Variants in ZHX3 observed in about 807,000 individuals in gnomAD.
ZHX3 encodes zinc fingers and homeoboxes 3.
Under a neutral mutation model 64.5 loss-of-function variants are expected in ZHX3, and 20 were observed. The ratio of observed to expected loss-of-function variants is 0.31; its 90% CI spans 0.22 to 0.45. The LOEUF (loss-of-function observed/expected upper bound fraction) is 0.45, where lower values mean the gene tolerates loss of function less well. Among genes scored for constraint, ZHX3 ranks in the 20% least tolerant of loss-of-function variants. ZHX3 has a pLI of 1.00. For synonymous variants in ZHX3, 423 were observed against 461.6 expected (o/e 0.92, Z 1.07); for missense variants, 1,041 against 1,195.8 (o/e 0.87, Z 1.91).
intron 3 of ZHX3, among the ~76,000 whole-genome samples, chr20:41,191,046 C>T (rs2036974755): frequency 6.6e-6 from 1 of 152,166 alleles, no homozygotes; most frequent in African/African-American, 2.4e-5. Flanking sequence ...GCTATCAGGG[C>T]CTCCTATATC....
chr20:41,290,472 C>G (rs1426828838), intron 1 of ZHX3: 1 of 152,254 alleles, frequency 6.6e-6, no homozygotes, highest in Non-Finnish European at 1.5e-5. Context: ...AGTGTGGACA[C>G]CCGACTGGCA....
chr20:41,265,333 G>C (rs1376299506), intron 2 of ZHX3, among the ~76,000 whole-genome samples: 1 of 151,728 alleles, frequency 6.6e-6, no homozygotes, highest in Non-Finnish European at 1.5e-5. Context: ...CTCCCGAACA[G>C]CTGGGATTAC....
intron 2 of ZHX3, among the ~76,000 whole-genome samples, chr20:41,262,890 A>G (rs997219367): frequency 6.6e-6 from 1 of 152,248 alleles, no homozygotes; most frequent in East Asian, 1.9e-4. Context: ...GGGGCAAATT[A>G]AATTTCCTTA....
chr20:41,258,619 T>A (rs1384316755), intron 2 of ZHX3, among the ~76,000 whole-genome samples: 1 of 152,210 alleles, frequency 6.6e-6, no homozygotes, highest in Non-Finnish European at 1.5e-5. Flanking sequence ...TCTGAGGTTA[T>A]GCATTCTTGG....
rs1395240084 is a variant in ZHX3 at position 41,204,115 on chromosome 20, T to C, written c.802A>G (p.Ile268Val). Reference sequence around the variant, plus strand: ...TGCTGGAGGGAGAGGAACTGTGCTATGCCAGCTGGCAAAACTGGCACTGTT... The same window carrying C: ...TGCTGGAGGGAGAGGAACTGTGCTACGCCAGCTGGCAAAACTGGCACTGTT... ...IGTVPVLPAGIAQFLSLQQQP... is the reference protein window; with the variant it reads ...IGTVPVLPAGVAQFLSLQQQP... Residue 268 changes from isoleucine to valine, a missense_variant, in exon 3 of 4, where the codon ATA (isoleucine) becomes GTA (valine). Transcript: ENST00000683867. This position sits in a 1 kb window ranked among gnomAD's most constrained non-coding sequence, Gnocchi z 6.6. 6.2e-7 allele frequency: 1 copy of C among 1,605,960 alleles called. No homozygotes were observed. Among genetic ancestry groups the C allele is most frequent in the Non-Finnish European group, 8.5e-7 (1 of 1,175,756 alleles).
At chr20:41,211,081 T>C (rs1019075207) in intron 2 of ZHX3, among the ~76,000 whole-genome samples, 1 of 152,076 alleles carries the variant, frequency 6.6e-6, no homozygotes, top group African/African-American at 2.4e-5. Flanking sequence ...ACAAAACCAA[T>C]GGTTTTATAT....
intron 1 of ZHX3, among the ~76,000 whole-genome samples, chr20:41,299,034 C>G (rs1364004247): frequency 6.6e-6 from 1 of 152,160 alleles, no homozygotes; most frequent in Admixed American, 6.5e-5. Flanking sequence ...CACTTCCTAC[C>G]TGAAAGTCTG....
At chr20:41,207,307 A>G (rs2038797300) in intron 2 of ZHX3, among the ~76,000 whole-genome samples, 1 of 152,082 alleles carries the variant, frequency 6.6e-6, no homozygotes, top group South Asian at 2.1e-4. Context: ...AACAATATTA[A>G]CCTTAAATGT....
At chr20:41,254,404 A>T (rs999140750) in intron 2 of ZHX3, among the ~76,000 whole-genome samples, 4 of 152,184 alleles carry the variant, frequency 2.6e-5, no homozygotes, top group Non-Finnish European at 5.9e-5. Flanking sequence ...GATAATAAAC[A>T]TGTAGCACTT....
chr20:41,197,039 A>T (rs1004002263), intron 3 of ZHX3: 1 of 209,124 alleles, frequency 4.8e-6, no homozygotes, highest in Non-Finnish European at 1.0e-5. Context: ...AAGCAGCTCT[A>T]TGACACTGAT....
At chr20:41,269,797 T>C (rs755317666) in intron 1 of ZHX3, among the ~76,000 whole-genome samples, 3 of 151,920 alleles carry the variant, frequency 2.0e-5, no homozygotes, top group Non-Finnish European at 2.9e-5. Context: ...AACAGACGTG[T>C]AGGCATTGTA....
chr20:41,310,680 GT>G (rs138691524), intron 1 of ZHX3, among the ~76,000 whole-genome samples: 21,139 of 145,168 alleles, frequency 0.15, 1,643 homozygotes, highest in Non-Finnish European at 0.18. Flanking sequence ...TGGGGAAGAG[GT>G]TTTTTTTTTT....
intron 3 of ZHX3, among the ~76,000 whole-genome samples, chr20:41,196,074 G>A (rs190790046): frequency 2.2e-4 from 34 of 151,180 alleles, no homozygotes; most frequent in African/African-American, 8.0e-4. Flanking sequence ...GTTGTTGGGT[G>A]GTATTCTGCT....
rs1476882053 is a variant in ZHX3, at chr20:41,180,057, C to G, written c.*5134G>C. 6.5e-6 allele frequency: 1 copy of G among 152,674 alleles called. No homozygotes were observed. The highest frequency in any genetic ancestry group is 1.5e-5 in the Non-Finnish European group (1 of 68,060). The allele number at this position is 152,674 out of a possible 1,614,324, so 9.5% of individuals were successfully genotyped here. On this transcript the variant is annotated 3_prime_UTR_variant, in exon 4 of 4. Transcript: ENST00000683867. ...GTGTGTGCACGCGCACATGAACACA[C>G]GTTTCAAGCCAGTCTCCTGAAGGAA...
chr20:41,247,457 G>A (rs951630152), intron 2 of ZHX3, among the ~76,000 whole-genome samples: 1 of 152,074 alleles, frequency 6.6e-6, no homozygotes, highest in South Asian at 2.1e-4. Flanking sequence ...TTTGCACAAT[G>A]GAAATCATCT....
At chr20:41,229,100 A>G (rs2040444072) in intron 2 of ZHX3, among the ~76,000 whole-genome samples, 1 of 152,082 alleles carries the variant, frequency 6.6e-6, no homozygotes, top group Non-Finnish European at 1.5e-5. Context: ...CCTGACAACT[A>G]CCATTCTGCT....
intron 1 of ZHX3, among the ~76,000 whole-genome samples, chr20:41,311,099 T>C (rs1008222883): frequency 2.0e-5 from 3 of 152,164 alleles, no homozygotes; most frequent in African/African-American, 7.2e-5. Context: ...TGAGCCACCG[T>C]GCCCGGCCAA....
chr20:41,300,704 G>A (rs1186628420), intron 1 of ZHX3, among the ~76,000 whole-genome samples: 1 of 152,222 alleles, frequency 6.6e-6, no homozygotes, highest in Non-Finnish European at 1.5e-5. Context: ...GGCAAGTAGT[G>A]TTGGCCTAAT....
rs774299186 is a variant in ZHX3 at position 41,204,594 on chromosome 20, G to A, written c.323C>T (p.Thr108Ile). ...SEHTDFNKDP[T>I]FVCSGCSFLA... ...AAAACTGCACCCACTGCATACAAAG[G>A]TTGGGTCTTTATTAAAGTCTGTGTG... Residue 108 changes from threonine (T) to isoleucine (I), a missense_variant, in exon 3 of 4, where the codon ACC (threonine) becomes ATC (isoleucine). Thr to Ile is a moderately conservative substitution (Grantham distance 89). This residue lies in a region of ZHX3 where 358 missense variants were observed against 369.1 expected (regional missense o/e 0.97). Coordinates refer to ENST00000683867, the MANE Select transcript of ZHX3 (RefSeq NM_001384317.1). This position sits in a 1 kb window ranked among gnomAD's most constrained non-coding sequence, Gnocchi z 6.6. 6.2e-7 allele frequency: 1 copy of A among 1,614,110 alleles called. No individual in the cohort carries two copies. Among genetic ancestry groups the A allele is most frequent in the Non-Finnish European group, 8.5e-7 (1 of 1,180,052 alleles).
Sources: gnomAD v4.1 joint callset for allele counts (sites outside exome capture counted in the v4.1 genomes callset) on GRCh38, gnomAD v4.1.1 for gene constraint, gnomAD v4.1.1 regional missense constraint, Gnocchi (gnomAD v3.1) non-coding constraint, MANE v1.5 for transcripts, NCBI Gene and HGNC (gene_info 2026-07-23, HGNC 2026-07-21) for gene names.